SYNE2: variants seen among roughly 807,000 people sequenced by gnomAD.
SYNE2 encodes spectrin repeat containing nuclear envelope protein 2.
A neutral mutation model predicts 856.3 loss-of-function variants in SYNE2; 431 were observed. The observed-to-expected ratio is 0.50, with a 90% CI of 0.47 to 0.55. The LOEUF (loss-of-function observed/expected upper bound fraction) is 0.55, where lower values mean the gene tolerates loss of function less well. SYNE2 is among the 20% of genes least tolerant of loss of function. SYNE2 has a pLI of 0.00. For synonymous variants in SYNE2, 2,923 were observed against 2,872.3 expected, an observed-to-expected ratio of 1.02 and a Z score of -0.56; for missense variants, 8,129 against 8,023.2, an observed-to-expected ratio of 1.01 and a Z score of -0.50.
At chr14:63,958,730 A>G (rs1419655404) in intron 8 of SYNE2, among the ~76,000 whole-genome samples, 1 of 152,158 alleles carries the variant, frequency 6.6e-6, no homozygotes, top group African/African-American at 2.4e-5. Context: ...TTATCTGTGT[A>G]AAGTATTTGA....
At chr14:63,979,222 C>G (rs745903636) in intron 14 of SYNE2, among the ~76,000 whole-genome samples, 1 of 152,190 alleles carries the variant, frequency 6.6e-6, no homozygotes, top group African/African-American at 2.4e-5. Context: ...GAAAATATCA[C>G]TACTTACTAC....
At chr14:63,816,597 A>G (rs184471806) in intron 1 of SYNE2, among the ~76,000 whole-genome samples, 3 of 152,176 alleles carry the variant, frequency 2.0e-5, no homozygotes, top group Admixed American at 2.0e-4. Flanking sequence ...AGCTCGTCAT[A>G]AGACCCTCAT....
intron 11 of SYNE2, among the ~76,000 whole-genome samples, chr14:63,971,596 T>C (rs2096478290): frequency 6.6e-6 from 1 of 151,566 alleles, no homozygotes; most frequent in African/African-American, 2.4e-5. Flanking sequence ...TTTTTTTTGC[T>C]CTAAACAACC....
chr14:64,102,612 A>T (rs2097741702), intron 64 of SYNE2, among the ~76,000 whole-genome samples: 1 of 151,668 alleles, frequency 6.6e-6, no homozygotes, highest in Non-Finnish European at 1.5e-5. Context: ...AAGCTAATTA[A>T]CATATGCATT....
In SYNE2 at chr14:64,208,950, GA is replaced by G. The variant is rs747682723; in HGVS notation, c.18389+7del. On this transcript the variant is annotated splice_donor_region_variant and intron_variant, in intron 101 of 115. Transcript: ENST00000555002. ...GTCCATGGAGCGGCGCATGAAGTAA[GA>G]ACTAAGCTCCCCCAAATGCCTTCAG... is the stretch of plus-strand genomic sequence containing the variant. The G allele has an allele frequency of 4.4e-5, 71 of 1,613,490 alleles. No homozygotes were observed. Among genetic ancestry groups the G allele is most frequent in the Non-Finnish European group, 5.9e-5 (70 of 1,179,864 alleles).
intron 2 of SYNE2, among the ~76,000 whole-genome samples, chr14:63,937,667 G>C (rs975771796): frequency 1.3e-5 from 2 of 152,182 alleles, no homozygotes; most frequent in East Asian, 3.8e-4. Context: ...GAGATTACTG[G>C]GCAGCTTTTA....
intron 50 of SYNE2, among the ~76,000 whole-genome samples, chr14:64,063,484 C>T (rs2097333417): frequency 6.6e-6 from 1 of 152,236 alleles, no homozygotes; most frequent in African/African-American, 2.4e-5. Context: ...TCTAAAGCAT[C>T]ACCTCTCATG....
chr14:63,861,200 G>A (rs1392769475), intron 1 of SYNE2, among the ~76,000 whole-genome samples: 1 of 147,316 alleles, frequency 6.8e-6, no homozygotes, highest in Non-Finnish European at 1.5e-5. Context: ...GCTGGAGTGC[G>A]GCGGCACAAT....
intron 1 of SYNE2, among the ~76,000 whole-genome samples, chr14:63,833,068 G>T (rs146252869): frequency 6.6e-6 from 1 of 151,418 alleles, no homozygotes; most frequent in African/African-American, 2.4e-5. Context: ...TATTGGCTGG[G>T]TGCAGTAGCT....
In SYNE2 at chr14:64,107,821, C is replaced by T. The variant is rs560042644; in HGVS notation, c.12609+214C>T. Among the ~76,000 whole-genome samples, 4 of 152,338 alleles carry T rather than the reference C, an allele frequency of 2.6e-5. No individual in the cohort carries two copies. The South Asian group carries it at 8.3e-4, about 32-fold the overall frequency. On this transcript the variant is annotated intron_variant, in intron 65 of 115. Coordinates refer to ENST00000555002, the MANE Select transcript of SYNE2 (RefSeq NM_182914.3). ...TAGGCATGGCATAGAGAATTAGACG[C>T]TTTTCACTCATTTACCATTTGTCAT...
At chr14:63,793,782 T>TA (rs918489379) in intron 1 of SYNE2, among the ~76,000 whole-genome samples, 2 of 149,358 alleles carry the variant, frequency 1.3e-5, no homozygotes, top group Admixed American at 1.3e-4. Context: ...ACTAAAAAAT[T>TA]AAAAAATTAG....
At chr14:64,049,519 A>G in intron 46 of SYNE2, 92 bp from the exon 47 acceptor site, 1 of 1,327,570 alleles carries the variant, frequency 7.5e-7, no homozygotes, top group East Asian at 2.4e-5. Flanking sequence ...TTCCTGAGAT[A>G]GAGTGTGTTA....
At position 64,189,924 on chromosome 14, in the gene SYNE2, A is replaced by C. The variant is rs1238885604; in HGVS notation, c.17872-147A>C. 3 of 896,240 alleles carry C rather than the reference A, an allele frequency of 3.3e-6. No individual in the cohort carries two copies. The African/African-American group carries it at 5.1e-5, about 15-fold the overall frequency. The allele number at this position is 896,240 out of a possible 1,614,324, so 55.5% of individuals were successfully genotyped here. ...GTGATCCTCTTGCCTCGGCTTCCCA[A>C]ACTGCTGGGATTATTGGTATGAGCC... On this transcript the variant is annotated intron_variant, in intron 98 of 115. Transcript: ENST00000555002.
rs548004575 is a variant in SYNE2, at chr14:64,016,520, C to T, written c.4776C>T (p.Asp1592=). The T allele has an allele frequency of 6.2e-7, 1 of 1,601,168 alleles. No homozygotes were observed. The highest frequency in any genetic ancestry group is 1.1e-5 in the South Asian group (1 of 88,418). ...EEFNEHLEVV[D]KINQVCKNLQ... is the part of the protein sequence containing the mutation. ...TTAATGAGCATTTAGAAGTTGTAGACAAGATAAACCAGGTCTGCAAAAATC... is the reference window on the plus strand; with the variant it reads ...TTAATGAGCATTTAGAAGTTGTAGATAAGATAAACCAGGTCTGCAAAAATC... Residue 1592 remains aspartate (D), a synonymous_variant, in exon 33 of 116, where the codon GAC becomes GAT. Coordinates refer to ENST00000555002, the MANE Select transcript of SYNE2 (RefSeq NM_182914.3).
chr14:63,943,382 T>TTC (rs1164901499), intron 6 of SYNE2, among the ~76,000 whole-genome samples: 14 of 152,222 alleles, frequency 9.2e-5, no homozygotes, highest in Non-Finnish European at 1.6e-4. Flanking sequence ...ATGTTGCATT[T>TTC]TCTGTATCTC....
intron 1 of SYNE2, among the ~76,000 whole-genome samples, chr14:63,803,145 C>T (rs112929435): frequency 2.0e-4 from 31 of 152,142 alleles, no homozygotes; most frequent in African/African-American, 6.0e-4. Flanking sequence ...ACAATCCCTG[C>T]GCTAGATACT....
At chr14:63,840,970 C>T (rs898878315) in intron 1 of SYNE2, among the ~76,000 whole-genome samples, 3 of 152,046 alleles carry the variant, frequency 2.0e-5, no homozygotes, top group Non-Finnish European at 4.4e-5. Context: ...ACCGAGATTG[C>T]GCCATTGCAC....
At chr14:63,965,808 G>T (rs574590361) in intron 10 of SYNE2, among the ~76,000 whole-genome samples, 5 of 152,146 alleles carry the variant, frequency 3.3e-5, no homozygotes, top group African/African-American at 1.2e-4. Flanking sequence ...TTCTTCCTTT[G>T]GTCTGAACTG....
intron 95 of SYNE2, among the ~76,000 whole-genome samples, chr14:64,175,649 G>T (rs72720363): frequency 0.17 from 26,052 of 152,020 alleles, 2,423 homozygotes; most frequent in Middle Eastern, 0.25. Context: ...GAACTACTGT[G>T]CTCTTTGAGT....
Sources: gnomAD v4.1 joint callset for allele counts (sites outside exome capture counted in the v4.1 genomes callset) on GRCh38, gnomAD v4.1.1 for gene constraint, MANE v1.5 for transcripts, NCBI Gene and HGNC (gene_info 2026-07-23, HGNC 2026-07-21) for gene names.